The following FOXP2 variants were observed in gnomAD, a reference collection of about 807,000 sequenced individuals.
FOXP2 encodes forkhead box P2.
Under a neutral mutation model 115.8 loss-of-function variants are expected in FOXP2, and 12 were observed. The ratio of observed to expected loss-of-function variants is 0.10; its 90% CI spans 0.07 to 0.17. The LOEUF (loss-of-function observed/expected upper bound fraction) is 0.17, where lower values mean the gene tolerates loss of function less well. Among genes scored for constraint, FOXP2 ranks in the 10% least tolerant of loss-of-function variants. The pLI is 1.00. For synonymous variants in FOXP2, 328 were observed against 297.7 expected, an observed-to-expected ratio of 1.10 and a Z score of -1.05; for missense variants, 629 against 843.5, an observed-to-expected ratio of 0.75 and a Z score of 3.15.
intron 1 of FOXP2, among the ~76,000 whole-genome samples, chr7:114,095,039 A>G (rs777661834): frequency 6.6e-6 from 1 of 152,186 alleles, no homozygotes; most frequent in Non-Finnish European, 1.5e-5. Context: ...GTATGATGAT[A>G]ATAATGCATA....
chr7:114,613,411 C>T (rs989788746), intron 3 of FOXP2, among the ~76,000 whole-genome samples: 2 of 152,048 alleles, frequency 1.3e-5, no homozygotes, highest in African/African-American at 4.8e-5. Context: ...CTTGGTGGCT[C>T]TCGCCTGTAA....
rs146779898 is a variant in FOXP2 at position 114,599,595 on chromosome 7, G to A, written c.259-28945G>A. Reference sequence around the variant, plus strand: ...CAGTTCACCTAAAATATTAAATTAAGTAGTATAACTTTTTTTTATAATGTT... The same window carrying A: ...CAGTTCACCTAAAATATTAAATTAAATAGTATAACTTTTTTTTATAATGTT... On this transcript the variant is annotated intron_variant, in intron 3 of 16. Transcript: ENST00000350908. Among the ~76,000 whole-genome samples, 613 of 152,146 alleles carry A rather than the reference G, an allele frequency of 4.0e-3. 8 individuals carry two copies. The highest frequency in any genetic ancestry group is 0.014 in the African/African-American group (585 of 41,538).
At chr7:114,355,216 G>A (rs959040849) in intron 2 of FOXP2, among the ~76,000 whole-genome samples, 1 of 152,108 alleles carries the variant, frequency 6.6e-6, no homozygotes, top group East Asian at 1.9e-4. Context: ...CGAGCATCTA[G>A]CTTGACCTCT....
intron 2 of FOXP2, chr7:114,499,565 C>G (rs1395373851): frequency 6.6e-6 from 1 of 152,100 alleles, no homozygotes; most frequent in Non-Finnish European, 1.5e-5. Flanking sequence ...CACAATGAAC[C>G]TTGTAATTTA....
At chr7:114,611,895 G>C (rs1803649018) in intron 3 of FOXP2, among the ~76,000 whole-genome samples, 1 of 152,138 alleles carries the variant, frequency 6.6e-6, no homozygotes, top group African/African-American at 2.4e-5. Context: ...AAGAGAGTGG[G>C]AGAGGGATTA....
At chr7:114,660,884 G>A (rs1219674096) in intron 13 of FOXP2, among the ~76,000 whole-genome samples, 5 of 151,942 alleles carry the variant, frequency 3.3e-5, no homozygotes, top group African/African-American at 1.2e-4. Flanking sequence ...TCCACAGCTC[G>A]GGGATCCAGC....
chr7:114,271,207 A>G (rs541828980), intron 1 of FOXP2, among the ~76,000 whole-genome samples: 1 of 151,962 alleles, frequency 6.6e-6, no homozygotes, highest in Non-Finnish European at 1.5e-5. Flanking sequence ...TACACAGCCA[A>G]TCATGTCTTC....
At chr7:114,205,502 A>G (rs2129160527) in intron 1 of FOXP2, among the ~76,000 whole-genome samples, 1 of 152,330 alleles carries the variant, frequency 6.6e-6, no homozygotes, top group South Asian at 2.1e-4. Flanking sequence ...TATTATTTCA[A>G]GTTTTTAATA....
chr7:114,508,038 A>T (rs1797907893), intron 2 of FOXP2, among the ~76,000 whole-genome samples: 1 of 152,038 alleles, frequency 6.6e-6, no homozygotes, highest in African/African-American at 2.4e-5. Flanking sequence ...GGTGATAGAA[A>T]TGCAAAAATG....
At chr7:114,271,795 ATAT>A (rs1478984313) in intron 1 of FOXP2, among the ~76,000 whole-genome samples, 14 of 119,396 alleles carry the variant, frequency 1.2e-4, no homozygotes, top group African/African-American at 1.0e-4. Context: ...AATGTATGTC[ATAT>A]TATTTATATT....
chr7:114,560,278 C>G (rs1800699033), intron 3 of FOXP2, among the ~76,000 whole-genome samples: 1 of 152,022 alleles, frequency 6.6e-6, no homozygotes. Context: ...ATTATACAAG[C>G]TGATATTTTA....
intron 1 of FOXP2, among the ~76,000 whole-genome samples, chr7:114,108,397 T>C (rs1171293432): frequency 3.9e-5 from 6 of 151,962 alleles, no homozygotes; most frequent in Non-Finnish European, 5.9e-5. Flanking sequence ...GCCATTATGT[T>C]TTTAGTAATT....
chr7:114,516,257 A>G (rs951387055), intron 2 of FOXP2, among the ~76,000 whole-genome samples: 6 of 152,290 alleles, frequency 3.9e-5, no homozygotes, highest in South Asian at 4.1e-4. Flanking sequence ...ATAATGCCGC[A>G]TATCTACAAC....
chr7:114,632,144 T>G (rs941972639), intron 6 of FOXP2, among the ~76,000 whole-genome samples: 11 of 152,204 alleles, frequency 7.2e-5, no homozygotes, highest in Non-Finnish European at 1.2e-4. Flanking sequence ...TCACCACATG[T>G]TAAAGAGAGG....
intron 1 of FOXP2, among the ~76,000 whole-genome samples, chr7:114,180,524 G>T (rs761807051): frequency 2.6e-5 from 4 of 151,844 alleles, no homozygotes; most frequent in Non-Finnish European, 5.9e-5. Flanking sequence ...TTGCCTCCTT[G>T]ATATCCCTGC....
At chr7:114,633,662 T>A (rs1805046030) in intron 6 of FOXP2, among the ~76,000 whole-genome samples, 1 of 152,196 alleles carries the variant, frequency 6.6e-6, no homozygotes, top group Admixed American at 6.6e-5. Flanking sequence ...ACGATTTAGA[T>A]GATTAAGTGT....
chr7:114,461,304 G>T (rs1458336449), intron 2 of FOXP2, among the ~76,000 whole-genome samples: 10 of 151,972 alleles, frequency 6.6e-5, no homozygotes, highest in Non-Finnish European at 2.9e-5. Flanking sequence ...TTTCATTTTG[G>T]TTGTCTGATC....
chr7:114,402,058 G>A (rs1471691447), intron 2 of FOXP2, among the ~76,000 whole-genome samples: 1 of 152,172 alleles, frequency 6.6e-6, no homozygotes, highest in South Asian at 2.1e-4. Context: ...TGAGGCAGAG[G>A]TTGCAGTGAG....
intron 2 of FOXP2, among the ~76,000 whole-genome samples, chr7:114,408,269 A>AT (rs1455559068): frequency 6.6e-6 from 1 of 152,104 alleles, no homozygotes; most frequent in Admixed American, 6.6e-5. Context: ...TTTAGGCCTT[A>AT]TTTTTTAGAT....
Sources: allele counts gnomAD v4.1 joint callset (sites outside exome capture counted in the v4.1 genomes callset), GRCh38; gene constraint gnomAD v4.1.1; transcripts MANE v1.5; gene names NCBI Gene and HGNC (gene_info 2026-07-23, HGNC 2026-07-21).